RAB8B: variants seen among roughly 807,000 people sequenced by gnomAD.
RAB8B encodes the protein RAB8B, member RAS oncogene family.
A neutral mutation model predicts 32.0 loss-of-function variants in RAB8B; 11 were observed. The ratio of observed to expected loss-of-function variants is 0.34; its 90% confidence interval spans 0.22 to 0.57. The LOEUF is 0.57. RAB8B is among the 20% of genes least tolerant of loss of function. The probability of loss-of-function intolerance (pLI) is 0.86; values close to 1 mark genes in which losing one functional copy is unlikely to be tolerated. For missense variants in RAB8B, 190 were observed against 258.5 expected (o/e 0.73, Z 1.82); for synonymous variants, 103 against 89.6 (o/e 1.15, Z -0.85).
In RAB8B at chr15:63,252,826, G is replaced by C. The variant is rs375403371; in HGVS notation, c.247-2681G>C. 1.7e-4 allele frequency among the ~76,000 whole-genome samples: 26 copies of C among 148,828 alleles called. No individual in the cohort carries two copies. The East Asian group carries it at 4.9e-3, about 28-fold the overall frequency. On this transcript the variant is annotated intron_variant, in intron 3 of 7. Coordinates refer to ENST00000321437, the MANE Select transcript of RAB8B (RefSeq NM_016530.3). ...TGCAATGGCACGATCTCGGCTCACT[G>C]CAACCTCCACCTCCTGGGTTCAAGC...
intron 1 of RAB8B, among the ~76,000 whole-genome samples, chr15:63,233,102 G>A (rs1241583212): frequency 7.1e-6 from 1 of 140,618 alleles, no homozygotes; most frequent in Non-Finnish European, 1.5e-5. Context: ...GCATGCCAGG[G>A]CTGGGGAGTG....
chr15:63,255,465 A>T, intron 3 of RAB8B, 42 bp from the exon 4 acceptor site: 1 of 1,309,764 alleles, frequency 7.6e-7, no homozygotes, highest in Non-Finnish European at 1.1e-6. Flanking sequence ...TATAACTTTA[A>T]ATATATAAAG....
chr15:63,220,369 A>G (rs2037834073), intron 1 of RAB8B, among the ~76,000 whole-genome samples: 1 of 152,148 alleles, frequency 6.6e-6, no homozygotes, highest in Admixed American at 6.5e-5. Flanking sequence ...ATTATTCTAG[A>G]ATGTTCTTTA....
At chr15:63,196,780 G>A (rs2037603415) in intron 1 of RAB8B, among the ~76,000 whole-genome samples, 1 of 152,160 alleles carries the variant, frequency 6.6e-6, no homozygotes, top group Admixed American at 6.5e-5. Context: ...ACTTCCCCCA[G>A]TATAAAATGC....
intron 3 of RAB8B, among the ~76,000 whole-genome samples, chr15:63,254,771 G>A (rs370030515): frequency 4.6e-5 from 7 of 152,254 alleles, no homozygotes; most frequent in South Asian, 2.1e-4. Flanking sequence ...AATTAGCTGT[G>A]TGTGGTGGCG....
intron 1 of RAB8B, among the ~76,000 whole-genome samples, chr15:63,218,676 G>A (rs1045228387): frequency 1.4e-4 from 21 of 152,112 alleles, no homozygotes; most frequent in African/African-American, 4.1e-4. Flanking sequence ...TGTGATGGGC[G>A]TTTCTCTCTT....
intron 7 of RAB8B, among the ~76,000 whole-genome samples, chr15:63,263,132 ATCCTGAG>A (rs2038215715): frequency 6.6e-6 from 1 of 152,208 alleles, no homozygotes; most frequent in Non-Finnish European, 1.5e-5. Context: ...AGTTTGTTTT[ATCCTGAG>A]TCCTGACTAT....
chr15:63,238,912 A>G (rs905463798), intron 1 of RAB8B, among the ~76,000 whole-genome samples: 7 of 152,214 alleles, frequency 4.6e-5, no homozygotes, highest in Non-Finnish European at 7.3e-5. Context: ...GACATGAAGG[A>G]AAACTTGTTG....
intron 1 of RAB8B, among the ~76,000 whole-genome samples, chr15:63,195,341 A>C (rs2037591527): frequency 6.6e-6 from 1 of 152,196 alleles, no homozygotes; most frequent in African/African-American, 2.4e-5. Context: ...GCCTTCCTAC[A>C]TATAAAGGAT....
chr15:63,258,603 C>T (rs544801758), intron 5 of RAB8B, among the ~76,000 whole-genome samples: 17 of 152,190 alleles, frequency 1.1e-4, no homozygotes, highest in South Asian at 4.2e-4. Flanking sequence ...ACAAATTTAT[C>T]GAAATGAAAG....
In RAB8B at chr15:63,259,501, T is replaced by C. The variant is rs1236705229; in HGVS notation, c.415-126T>C. On this transcript the variant is annotated intron_variant, in intron 5 of 7. Transcript: ENST00000321437. The surrounding 1 kb of genome is among the most constrained non-coding windows in gnomAD (Gnocchi z 4.4). ...ATACAGTAGAAGAAAGCAAAGAAAT[T>C]TGAGAACCACAGGAGTTCTGAAATA... 12 of 734,968 alleles carry C rather than the reference T, an allele frequency of 1.6e-5. No homozygotes were observed. In the East Asian group the frequency reaches 3.3e-4, roughly 20 times the overall value. 45.5% of individuals were successfully genotyped at this position (734,968 alleles called of 1,614,324 possible). A position where few individuals can be genotyped will look rare whatever the true frequency, so the allele number is the denominator to read the frequency against.
intron 1 of RAB8B, among the ~76,000 whole-genome samples, chr15:63,195,922 A>G (rs77744005): frequency 0.014 from 2,183 of 152,302 alleles, 25 homozygotes; most frequent in Non-Finnish European, 0.022. Context: ...GATTCTTACT[A>G]CCTAGGTTAG....
At chr15:63,200,824 C>G (rs894622200) in intron 1 of RAB8B, among the ~76,000 whole-genome samples, 9 of 152,206 alleles carry the variant, frequency 5.9e-5, no homozygotes, top group Non-Finnish European at 4.4e-5. Flanking sequence ...AATTTCAAAT[C>G]TATTTTCTCT....
At chr15:63,227,242 G>T (rs985288705) in intron 1 of RAB8B, among the ~76,000 whole-genome samples, 1 of 152,052 alleles carries the variant, frequency 6.6e-6, no homozygotes, top group Admixed American at 6.6e-5. Flanking sequence ...TGGTTCACAC[G>T]CCTCTGACAT....
intron 1 of RAB8B, among the ~76,000 whole-genome samples, chr15:63,208,184 A>G (rs932534725): frequency 6.6e-6 from 1 of 152,140 alleles, no homozygotes; most frequent in Non-Finnish European, 1.5e-5. Flanking sequence ...GGCTTCAGCT[A>G]TATCTCTCTC....
At chr15:63,239,242 C>T (rs1179824566) in intron 1 of RAB8B, among the ~76,000 whole-genome samples, 9 of 151,950 alleles carry the variant, frequency 5.9e-5, no homozygotes, top group Non-Finnish European at 1.0e-4. Flanking sequence ...TCTTTTAATC[C>T]CTGGAGTAGC....
intron 1 of RAB8B, among the ~76,000 whole-genome samples, chr15:63,190,806 G>A (rs1479916885): frequency 6.6e-6 from 1 of 152,160 alleles, no homozygotes; most frequent in Non-Finnish European, 1.5e-5. Flanking sequence ...CTCAGCCAAG[G>A]AAATGAACTT....
intron 4 of RAB8B, 126 bp downstream of exon 4, chr15:63,255,710 T>C: frequency 1.5e-6 from 1 of 679,046 alleles, no homozygotes; most frequent in Admixed American, 2.5e-5. Context: ...GCCCTCTCTC[T>C]CTGAAGAGCT....
At position 63,256,552 on chromosome 15, in the gene RAB8B, T is replaced by A; in HGVS notation, c.372T>A (p.Asp124Glu). ...VERMILGNKC[D>E]MNDKRQVSKE... ...GAATGATCCTGGGTAACAAATGTGA[T>A]ATGAATGACAAAAGACAAGTGTCAA... The change falls in exon 5 of 8, where the codon GAT (aspartate) becomes GAA (glutamate). Residue 124 changes from aspartate to glutamate, a missense_variant. Physicochemically the swap from Asp to Glu is conservative, Grantham distance 45. Transcript: ENST00000321437. The A allele has an allele frequency of 6.2e-7, 1 of 1,604,248 alleles. No homozygotes were observed. The highest frequency in any genetic ancestry group is 8.5e-7 in the Non-Finnish European group (1 of 1,176,700).
Sources: allele counts gnomAD v4.1 joint callset (sites outside exome capture counted in the v4.1 genomes callset), GRCh38; gene constraint gnomAD v4.1.1; non-coding constraint Gnocchi (gnomAD v3.1); transcripts MANE v1.5; gene names NCBI Gene and HGNC (gene_info 2026-07-23, HGNC 2026-07-21).